ESRRG: variants seen among roughly 807,000 people sequenced by gnomAD.
ESRRG encodes the protein estrogen related receptor gamma.
In ESRRG, 13 loss-of-function variants were observed where a neutral mutation model predicts 44.0. That is an observed-to-expected ratio of 0.30 (90% CI 0.19 to 0.47). The LOEUF (loss-of-function observed/expected upper bound fraction) is 0.47. ESRRG is among the 20% of genes least tolerant of loss of function. The pLI is 1.00. For missense variants in ESRRG, 395 were observed against 580.6 expected, an observed-to-expected ratio of 0.68 and a Z score of 3.29; for synonymous variants, 215 against 214.6, an observed-to-expected ratio of 1.00 and a Z score of -0.02.
chr1:216,897,707 G>A (rs1035676422), intron 2 of ESRRG, among the ~76,000 whole-genome samples: 1 of 152,066 alleles, frequency 6.6e-6, no homozygotes, highest in Non-Finnish European at 1.5e-5. Flanking sequence ...TGTTCTAACT[G>A]TCATGGTAGG....
chr1:216,663,622 T>G (rs1053986880), intron 2 of ESRRG, among the ~76,000 whole-genome samples: 1 of 141,164 alleles, frequency 7.1e-6, no homozygotes, highest in African/African-American at 2.5e-5. Flanking sequence ...TTTTTCTCTT[T>G]CTATCATTCA....
At chr1:217,100,500 G>A (rs1034161541) in intron 1 of ESRRG, among the ~76,000 whole-genome samples, 3 of 152,182 alleles carry the variant, frequency 2.0e-5, no homozygotes, top group African/African-American at 7.2e-5. Context: ...GACAGGGTTG[G>A]AGGCTAAACC....
intron 6 of ESRRG, 49 bp from the exon 7 acceptor site, chr1:216,507,232 C>A: frequency 1.6e-6 from 2 of 1,285,338 alleles, no homozygotes; most frequent in Non-Finnish European, 1.1e-6. Context: ...TAATAGCAAA[C>A]CTATGTAGAC....
At chr1:216,543,607 C>G (rs2053534883) in intron 5 of ESRRG, among the ~76,000 whole-genome samples, 1 of 152,020 alleles carries the variant, frequency 6.6e-6, no homozygotes, top group Admixed American at 6.6e-5. Context: ...TCAACATGTA[C>G]TATCACATTT....
At chr1:216,701,289 C>A (rs992192947) in intron 1 of ESRRG, 3 of 152,126 alleles carry the variant, frequency 2.0e-5, no homozygotes, top group African/African-American at 7.2e-5. Context: ...TCTTGCTTCC[C>A]AAAATAAAGT....
chr1:217,058,516 G>T (rs1204519891), intron 1 of ESRRG, among the ~76,000 whole-genome samples: 1 of 152,088 alleles, frequency 6.6e-6, no homozygotes, highest in Non-Finnish European at 1.5e-5. Flanking sequence ...GTTTAAAGGG[G>T]ACTAACAGAG....
At chr1:216,723,546 C>A, upstream of ESRRG, 1 of 513,122 alleles carries the variant, frequency 1.9e-6, no homozygotes, top group Non-Finnish European at 3.5e-6. Context: ...GGCCTCTGCC[C>A]AATCAGGAGG....
chr1:216,718,440 T>A (rs567492006), intron 1 of ESRRG, among the ~76,000 whole-genome samples: 403 of 152,054 alleles, frequency 2.7e-3, no homozygotes, highest in Middle Eastern at 0.01. Context: ...AGTTCATGTA[T>A]ATCCACATAT....
At chr1:216,602,905 C>T (rs908325641) in intron 3 of ESRRG, among the ~76,000 whole-genome samples, 1 of 152,100 alleles carries the variant, frequency 6.6e-6, no homozygotes, top group African/African-American at 2.4e-5. Flanking sequence ...AAAACTAAGA[C>T]AAAACAGTTT....
intron 3 of ESRRG, among the ~76,000 whole-genome samples, chr1:216,633,823 G>A (rs756128530): frequency 2.9e-4 from 44 of 152,182 alleles, no homozygotes; most frequent in Non-Finnish European, 1.2e-4. Context: ...GAATATTTCA[G>A]AAGAAAATTA....
At chr1:216,690,289 TG>T (rs1467930119) in intron 1 of ESRRG, among the ~76,000 whole-genome samples, 1 of 152,054 alleles carries the variant, frequency 6.6e-6, no homozygotes, top group African/African-American at 2.4e-5. Flanking sequence ...TGCATGTGTG[TG>T]TGCTTAAACG....
chr1:216,816,859 A>T (rs1287822971), intron 2 of ESRRG, among the ~76,000 whole-genome samples: 1 of 152,198 alleles, frequency 6.6e-6, no homozygotes, highest in African/African-American at 2.4e-5. Flanking sequence ...CAAATAAGTG[A>T]TTCAAACAAT....
At chr1:216,761,374 A>G (rs188406093) in intron 2 of ESRRG, among the ~76,000 whole-genome samples, 1 of 152,230 alleles carries the variant, frequency 6.6e-6, no homozygotes, top group East Asian at 1.9e-4. Context: ...AAAAGTGGCA[A>G]ATTTCAGTAA....
chr1:216,991,391 G>A (rs1204722990), intron 1 of ESRRG, among the ~76,000 whole-genome samples: 2 of 152,104 alleles, frequency 1.3e-5, no homozygotes, highest in African/African-American at 4.8e-5. Context: ...TGCTGCTGCT[G>A]CTGTTATCAT....
At chr1:216,931,604 C>T (rs1301028640) in intron 2 of ESRRG, among the ~76,000 whole-genome samples, 2 of 152,150 alleles carry the variant, frequency 1.3e-5, no homozygotes, top group Admixed American at 6.5e-5. Flanking sequence ...GCCCAATTGG[C>T]CCAGGTGCCC....
intron 2 of ESRRG, among the ~76,000 whole-genome samples, chr1:216,892,670 G>A (rs1259612220): frequency 6.6e-6 from 1 of 152,150 alleles, no homozygotes; most frequent in Non-Finnish European, 1.5e-5. Flanking sequence ...AAAGAAAGTA[G>A]GGAGAAATTA....
chr1:216,778,268 G>T (rs1184512189), intron 2 of ESRRG, among the ~76,000 whole-genome samples: 1 of 152,030 alleles, frequency 6.6e-6, no homozygotes, highest in South Asian at 2.1e-4. Context: ...GAGCTCCAAA[G>T]TTCAAATGCC....
intron 3 of ESRRG, among the ~76,000 whole-genome samples, chr1:216,569,107 AGGAAGAAGGAAG>A (rs1473471655): frequency 8.3e-6 from 1 of 120,348 alleles, no homozygotes; most frequent in Non-Finnish European, 1.8e-5. Context: ...GAAGGAAGGA[AGGAAGAAGGAAG>A]GAAGGAAGGA....
At chr1:217,056,960 A>G (rs1327552382) in intron 1 of ESRRG, among the ~76,000 whole-genome samples, 1 of 152,102 alleles carries the variant, frequency 6.6e-6, no homozygotes, top group Non-Finnish European at 1.5e-5. Flanking sequence ...CTGTGAAACA[A>G]CAGCTCTCAC....
Sources: gnomAD v4.1 joint callset for allele counts (sites outside exome capture counted in the v4.1 genomes callset) on GRCh38, gnomAD v4.1.1 for gene constraint, MANE v1.5 for transcripts, NCBI Gene and HGNC (gene_info 2026-07-23, HGNC 2026-07-21) for gene names.